Variants in PTPRM observed in about 807,000 individuals in gnomAD.
PTPRM encodes receptor-type tyrosine-protein phosphatase mu.
Under a neutral mutation model 186.7 loss-of-function variants are expected in PTPRM, and 47 were observed. That is an observed-to-expected ratio of 0.25 (90% CI 0.20 to 0.32). The LOEUF (loss-of-function observed/expected upper bound fraction) is 0.32, where lower values mean the gene tolerates loss of function less well. Ranked by LOEUF, PTPRM falls within the 10% of genes least tolerant of loss-of-function variation. The probability of loss-of-function intolerance (pLI) is 1.00; values close to 1 mark genes in which losing one functional copy is unlikely to be tolerated. For missense variants in PTPRM, 1,494 were observed against 1,865.0 expected, an observed-to-expected ratio of 0.80 and a Z score of 3.66; for synonymous variants, 668 against 674.9, an observed-to-expected ratio of 0.99 and a Z score of 0.16.
intron 7 of PTPRM, among the ~76,000 whole-genome samples, chr18:7,990,832 T>G (rs887853974): frequency 3.3e-5 from 5 of 152,100 alleles, no homozygotes; most frequent in Non-Finnish European, 5.9e-5. Context: ...TGGTGGGGCC[T>G]GGGGGACGGG....
intron 9 of PTPRM, among the ~76,000 whole-genome samples, chr18:8,079,443 T>G (rs2090007708): frequency 3.3e-5 from 5 of 152,218 alleles, no homozygotes; most frequent in Admixed American, 6.5e-5. Flanking sequence ...AAAATATCCT[T>G]GCTTCCGAAT....
At chr18:7,984,602 T>TATATATATATATATATATATATACAC (rs1214502563) in intron 7 of PTPRM, among the ~76,000 whole-genome samples, 1 of 87,174 alleles carries the variant, frequency 1.1e-5, no homozygotes, top group African/African-American at 4.9e-5. Flanking sequence ...TATATATATA[T>TATATATATATATATATATATATACAC]ACACACACAC....
intron 1 of PTPRM, among the ~76,000 whole-genome samples, chr18:7,687,343 A>G (rs1679217058): frequency 6.6e-6 from 1 of 152,210 alleles, no homozygotes; most frequent in Admixed American, 6.5e-5. Flanking sequence ...ACCACCAGGG[A>G]AATTCAAATA....
chr18:7,908,662 C>G (rs2050117192), intron 4 of PTPRM, among the ~76,000 whole-genome samples: 1 of 152,160 alleles, frequency 6.6e-6, no homozygotes, highest in Non-Finnish European at 1.5e-5. Context: ...ACTTTTGTGT[C>G]ATGTTACATT....
intron 1 of PTPRM, among the ~76,000 whole-genome samples, chr18:7,723,184 G>A (rs566005484): frequency 8.7e-6 from 1 of 115,392 alleles, no homozygotes; most frequent in Non-Finnish European, 1.7e-5. Flanking sequence ...CTTGGTGAAA[G>A]TCTTGTGGCC....
intron 4 of PTPRM, among the ~76,000 whole-genome samples, chr18:7,908,878 C>T (rs561271085): frequency 6.6e-6 from 1 of 152,322 alleles, no homozygotes; most frequent in South Asian, 2.1e-4. Context: ...GCCATGAGAT[C>T]TTCTAATATG....
chr18:8,032,777 T>G (rs2148075395), intron 7 of PTPRM, among the ~76,000 whole-genome samples: 1 of 152,180 alleles, frequency 6.6e-6, no homozygotes, highest in East Asian at 1.9e-4. Flanking sequence ...AAAGCGGCAT[T>G]TCATACATAG....
intron 2 of PTPRM, among the ~76,000 whole-genome samples, chr18:7,802,184 C>T (rs974097045): frequency 2.2e-4 from 34 of 152,164 alleles, no homozygotes; most frequent in African/African-American, 8.0e-4. Flanking sequence ...TGAGGATCAT[C>T]ACCTTGGGCA....
At chr18:7,739,182 A>G (rs963914514) in intron 1 of PTPRM, among the ~76,000 whole-genome samples, 4 of 152,010 alleles carry the variant, frequency 2.6e-5, no homozygotes, top group African/African-American at 7.2e-5. Context: ...TGAGGCATCC[A>G]TTTACTGAGC....
At chr18:8,134,433 C>T (rs1264111907) in intron 13 of PTPRM, among the ~76,000 whole-genome samples, 1 of 152,198 alleles carries the variant, frequency 6.6e-6, no homozygotes. Flanking sequence ...TGCTTGCCTT[C>T]TCCTGCATTA....
intron 11 of PTPRM, among the ~76,000 whole-genome samples, chr18:8,100,004 G>A (rs2091214457): frequency 1.3e-5 from 2 of 152,170 alleles, no homozygotes; most frequent in Admixed American, 1.3e-4. Context: ...CTGCTTGGCT[G>A]CTGGGGAGGC....
intron 5 of PTPRM, among the ~76,000 whole-genome samples, chr18:7,946,219 G>A (rs1289904604): frequency 2.0e-5 from 3 of 152,120 alleles, no homozygotes; most frequent in Admixed American, 2.0e-4. Flanking sequence ...TAGTTGTGAG[G>A]GGTCAGTAAG....
At chr18:7,620,839 T>C (rs1736565803) in intron 1 of PTPRM, among the ~76,000 whole-genome samples, 1 of 152,152 alleles carries the variant, frequency 6.6e-6, no homozygotes, top group Non-Finnish European at 1.5e-5. Context: ...GGCAGTAATA[T>C]TTGAACCTAT....
intron 5 of PTPRM, among the ~76,000 whole-genome samples, chr18:7,935,559 G>T (rs1250520129): frequency 6.6e-6 from 1 of 152,212 alleles, no homozygotes; most frequent in Non-Finnish European, 1.5e-5. Context: ...AACAGGTGCT[G>T]TAGGATGTGG....
At chr18:7,724,751 T>C (rs1230167329) in intron 1 of PTPRM, among the ~76,000 whole-genome samples, 1 of 152,240 alleles carries the variant, frequency 6.6e-6, no homozygotes, top group Non-Finnish European at 1.5e-5. Flanking sequence ...ATTTGGTGGC[T>C]GTTCCTCGTA....
intron 14 of PTPRM, among the ~76,000 whole-genome samples, chr18:8,171,355 G>A (rs1333951309): frequency 1.3e-5 from 2 of 152,132 alleles, no homozygotes; most frequent in Non-Finnish European, 2.9e-5. Flanking sequence ...CGTTGCTCAG[G>A]GACTGTAGTT....
chr18:7,581,452 G>GCAGT (rs1197486500), intron 1 of PTPRM, among the ~76,000 whole-genome samples: 1 of 152,086 alleles, frequency 6.6e-6, no homozygotes, highest in Non-Finnish European at 1.5e-5. Context: ...ATTCATCTAT[G>GCAGT]CAGTCGATGC....
At chr18:7,720,827 A>G (rs1164623323) in intron 1 of PTPRM, among the ~76,000 whole-genome samples, 4 of 152,158 alleles carry the variant, frequency 2.6e-5, no homozygotes, top group Non-Finnish European at 5.9e-5. Context: ...AAGGATGAAT[A>G]ATGTTCCATT....
rs1351539829 is a variant in PTPRM at position 7,836,574 on chromosome 18, GTACT to G, written c.197-51527_197-51524del. 2.0e-5 allele frequency among the ~76,000 whole-genome samples: 3 copies of G among 152,186 alleles called. No homozygotes were observed. The South Asian group carries it at 6.2e-4, about 32-fold the overall frequency. On this transcript the variant is annotated intron_variant, in intron 2 of 32. Transcript: ENST00000580170. ...AGTGTTATATTCTGTGATTTTCTGT[GTACT>G]TACTATTACAAGTGAGCTTCAGATG...
Sources: allele counts gnomAD v4.1 joint callset (sites outside exome capture counted in the v4.1 genomes callset), GRCh38; gene constraint gnomAD v4.1.1; transcripts MANE v1.5; gene names NCBI Gene and HGNC (gene_info 2026-07-23, HGNC 2026-07-21).